Variants in CDH3 observed in about 807,000 individuals in gnomAD.
CDH3 encodes cadherin-3.
A neutral mutation model predicts 82.0 loss-of-function variants in CDH3; 54 were observed. The ratio of observed to expected loss-of-function variants is 0.66; its 90% confidence interval spans 0.53 to 0.83. The LOEUF is 0.83. Ranked by LOEUF, CDH3 falls within the 40% of genes least tolerant of loss-of-function variation. The pLI, the probability that CDH3 is intolerant of heterozygous loss-of-function variation, is 0.00. For missense variants in CDH3, 1,054 were observed against 1,084.6 expected, an observed-to-expected ratio of 0.97 and a Z score of 0.40; for synonymous variants, 446 against 437.9, an observed-to-expected ratio of 1.02 and a Z score of -0.23.
intron 8 of CDH3, 73 bp from the exon 9 acceptor site, chr16:68,682,229 T>C (rs1961248875): frequency 6.7e-7 from 1 of 1,495,802 alleles, no homozygotes; most frequent in Admixed American, 1.9e-5. Flanking sequence ...TGAGGTTGGA[T>C]GGAGGCTTCT....
chr16:68,645,595 G>T (rs980525332), intron 1 of CDH3, 41 bp from the exon 2 acceptor site: 21 of 1,504,712 alleles, frequency 1.4e-5, no homozygotes, highest in Admixed American at 2.0e-5. Context: ...GGCCGGGCAC[G>T]CCTGGACCCA....
At chr16:68,680,121 C>T in intron 7 of CDH3, 147 bp downstream of exon 7, 1 of 773,550 alleles carries the variant, frequency 1.3e-6, no homozygotes, top group South Asian at 1.5e-5. Flanking sequence ...CTGCTGGGTT[C>T]ACATGCCATG....
chr16:68,697,929 A>C (rs1424057763), intron 15 of CDH3, among the ~76,000 whole-genome samples: 2 of 152,220 alleles, frequency 1.3e-5, no homozygotes, highest in African/African-American at 4.8e-5. Context: ...CCAAGGCCAC[A>C]AAGCTAGTGT....
intron 2 of CDH3, among the ~76,000 whole-genome samples, chr16:68,660,182 A>G (rs1280168528): frequency 6.6e-6 from 1 of 152,232 alleles, no homozygotes; most frequent in African/African-American, 2.4e-5. Context: ...TCATCCAGAT[A>G]AATTGAGCTT....
intron 2 of CDH3, among the ~76,000 whole-genome samples, chr16:68,669,556 C>T (rs561214719): frequency 6.7e-5 from 10 of 150,264 alleles, no homozygotes; most frequent in Non-Finnish European, 8.9e-5. Flanking sequence ...GTTGTACACT[C>T]TAGTGGGAAG....
At chr16:68,688,169 G>T (rs988530882) in intron 12 of CDH3, among the ~76,000 whole-genome samples, 2 of 151,346 alleles carry the variant, frequency 1.3e-5, no homozygotes, top group African/African-American at 4.9e-5. Flanking sequence ...TGGTCTTTTA[G>T]GGGTCCTGTG....
downstream of CDH3, among the ~76,000 whole-genome samples, chr16:68,702,143 C>T (rs529814493): frequency 6.6e-6 from 1 of 152,268 alleles, no homozygotes; most frequent in East Asian, 1.9e-4. Context: ...CTGCCCACCT[C>T]GGCCTCCCAA....
chr16:68,651,230 A>T, intron 2 of CDH3: 2 of 530,298 alleles, frequency 3.8e-6, no homozygotes, highest in Non-Finnish European at 7.7e-6. Flanking sequence ...GACACGGAGG[A>T]GTTGTCATAC....
At chr16:68,673,636 C>G (rs539234742) in intron 2 of CDH3, among the ~76,000 whole-genome samples, 2 of 152,080 alleles carry the variant, frequency 1.3e-5, no homozygotes, top group Admixed American at 1.3e-4. Flanking sequence ...TCAAAAAATT[C>G]GTATAGAGGC....
intron 8 of CDH3, among the ~76,000 whole-genome samples, chr16:68,681,640 C>T (rs186757375): frequency 3.9e-5 from 6 of 152,308 alleles, no homozygotes; most frequent in Admixed American, 3.3e-4. Flanking sequence ...GAGTTCAAGA[C>T]GAACCTGGCC....
downstream of CDH3, among the ~76,000 whole-genome samples, chr16:68,731,486 A>G (rs34754733): frequency 0.29 from 3,199 of 10,996 alleles, 1,028 homozygotes; most frequent in Non-Finnish European, 0.46. Context: ...ACACACGTAT[A>G]TACACATATA....
At chr16:68,662,008 T>C (rs1213034604) in intron 2 of CDH3, among the ~76,000 whole-genome samples, 2 of 152,178 alleles carry the variant, frequency 1.3e-5, no homozygotes. Flanking sequence ...ACTAAACATA[T>C]AATCACAAGT....
chr16:68,698,395 G>A lies in CDH3; in HGVS notation c.2485G>A (p.Asp829Asn), dbSNP rs771664763. 3.1e-6 allele frequency: 5 copies of A among 1,613,706 alleles called. No homozygotes were observed. Among genetic ancestry groups the A allele is most frequent in the Non-Finnish European group, 4.2e-6 (5 of 1,179,930 alleles). The change falls in exon 16 of 16, where the codon GAC becomes AAC. Residue 829 changes from aspartate (D) to asparagine (N), a missense_variant. Transcript: ENST00000264012. ...LADMYGGGEDD is the reference protein window; with the variant it reads ...LADMYGGGEDN Reference sequence around the variant, plus strand: ...AGACATGTACGGTGGCGGGGAGGACGACTAGGCGGCCTGCCTGCAGGGCTG... The same window carrying A: ...AGACATGTACGGTGGCGGGGAGGACAACTAGGCGGCCTGCCTGCAGGGCTG...
At chr16:68,702,064 T>C (rs532466885), downstream of CDH3, among the ~76,000 whole-genome samples, 1 of 152,052 alleles carries the variant, frequency 6.6e-6, no homozygotes, top group East Asian at 2.0e-4. Context: ...TAGATAGGTA[T>C]ATTTGGTAGA....
chr16:68,669,100 C>G (rs975850116), intron 2 of CDH3, among the ~76,000 whole-genome samples: 1 of 152,206 alleles, frequency 6.6e-6, no homozygotes, highest in East Asian at 1.9e-4. Flanking sequence ...TATTTCCCTG[C>G]CTTCAGGATT....
chr16:68,668,400 G>A (rs1320990748), intron 2 of CDH3, among the ~76,000 whole-genome samples: 2 of 152,166 alleles, frequency 1.3e-5, no homozygotes, highest in African/African-American at 4.8e-5. Flanking sequence ...GATGAGACCT[G>A]GTTTCGTATC....
intron 7 of CDH3, 71 bp downstream of exon 7, chr16:68,680,045 A>C: frequency 1.4e-6 from 2 of 1,452,486 alleles, no homozygotes; most frequent in Non-Finnish European, 1.9e-6. Flanking sequence ...TGAGAGCAGA[A>C]GCTCCTATCC....
intron 2 of CDH3, among the ~76,000 whole-genome samples, chr16:68,673,442 CCTCT>C (rs374070044): frequency 2.0e-5 from 3 of 150,082 alleles, no homozygotes; most frequent in African/African-American, 2.4e-5. Context: ...GTTCCCCTCC[CCTCT>C]CTCTCTCTCT....
At chr16:68,664,422 T>TA (rs1471811652) in intron 2 of CDH3, among the ~76,000 whole-genome samples, 3 of 151,786 alleles carry the variant, frequency 2.0e-5, no homozygotes, top group East Asian at 1.9e-4. Flanking sequence ...TCAAGAACTT[T>TA]AAAAAAAAGC....
Sources: gnomAD v4.1 joint callset for allele counts (sites outside exome capture counted in the v4.1 genomes callset) on GRCh38, gnomAD v4.1.1 for gene constraint, MANE v1.5 for transcripts, NCBI Gene and HGNC (gene_info 2026-07-23, HGNC 2026-07-21) for gene names.